ACSS3: variants seen among roughly 807,000 people sequenced by gnomAD.
ACSS3 encodes acyl-CoA synthetase short chain family member 3, also known as acyl-CoA synthetase short-chain family member 3, mitochondrial.
Under a neutral mutation model 84.2 loss-of-function variants are expected in ACSS3, and 64 were observed. The observed-to-expected ratio is 0.76, with a 90% CI of 0.62 to 0.94. The LOEUF is 0.94. Ranked by LOEUF, ACSS3 falls within the 40% of genes least tolerant of loss-of-function variation. The pLI is 0.00. For synonymous variants in ACSS3, 317 were observed against 310.1 expected, an observed-to-expected ratio of 1.02 and a Z score of -0.23; for missense variants, 815 against 867.6, an observed-to-expected ratio of 0.94 and a Z score of 0.76.
chr12:81,081,166 A>T (rs1039991152), intron 1 of ACSS3, among the ~76,000 whole-genome samples: 2 of 152,244 alleles, frequency 1.3e-5, no homozygotes, highest in African/African-American at 4.8e-5. Flanking sequence ...CTCAGCATAT[A>T]AATAGTATTG....
At chr12:81,188,183 A>G (rs10862260) in intron 8 of ACSS3, among the ~76,000 whole-genome samples, 96,979 of 151,686 alleles carry the variant, frequency 0.64, 31,839 homozygotes, top group Non-Finnish European at 0.72. Context: ...TTTAAAGATG[A>G]TATATATCTC....
rs779002371 is a variant in ACSS3, at chr12:81,233,429, A to G, written c.1677A>G (p.Ile559Met). The G allele has an allele frequency of 3.1e-6, 5 of 1,611,246 alleles. No individual in the cohort carries two copies. The highest frequency in any genetic ancestry group is 3.4e-6 in the Non-Finnish European group (4 of 1,178,042). The change falls in exon 13 of 16, where the codon ATA becomes ATG. Residue 559 changes from isoleucine to methionine, a missense_variant. Coordinates refer to ENST00000548058, the MANE Select transcript of ACSS3 (RefSeq NM_024560.4). ...TTATGTCTCGAGTGGATGATGTAAT[A>G]AATGTTGCAGGTCACAGAATTTCTG... Reference protein sequence around the residue: ...LYVMSRVDDVINVAGHRISAG... With the variant: ...LYVMSRVDDVMNVAGHRISAG...
intron 7 of ACSS3, chr12:81,158,467 C>G (rs1372896661): frequency 1.3e-5 from 2 of 153,566 alleles, no homozygotes; most frequent in Admixed American, 6.6e-5. Context: ...TTGCTGTCAC[C>G]ATCATTCCAT....
intron 2 of ACSS3, among the ~76,000 whole-genome samples, chr12:81,118,817 GA>G (rs1379688936): frequency 1.3e-5 from 2 of 152,114 alleles, no homozygotes; most frequent in African/African-American, 2.4e-5. Context: ...CCATAAAGAT[GA>G]ACTAAAACAT....
chr12:81,116,415 C>T (rs1884051769), intron 2 of ACSS3, among the ~76,000 whole-genome samples: 1 of 152,084 alleles, frequency 6.6e-6, no homozygotes, highest in Non-Finnish European at 1.5e-5. Flanking sequence ...AAAAGAGCAA[C>T]AATACAACCA....
chr12:81,130,932 G>A (rs528382248), intron 2 of ACSS3, among the ~76,000 whole-genome samples: 10 of 152,124 alleles, frequency 6.6e-5, no homozygotes, highest in Non-Finnish European at 1.5e-4. Flanking sequence ...AAGATTGGAT[G>A]GTTGTAGATG....
chr12:81,148,788 G>A (rs1282815008), intron 5 of ACSS3, among the ~76,000 whole-genome samples: 4 of 151,152 alleles, frequency 2.6e-5, no homozygotes, highest in East Asian at 1.9e-4. Context: ...GAGGCCAGGC[G>A]CAGTGCATCA....
intron 1 of ACSS3, among the ~76,000 whole-genome samples, chr12:81,108,343 A>G (rs896646616): frequency 4.0e-4 from 60 of 151,502 alleles, no homozygotes; most frequent in Admixed American, 3.4e-3. Flanking sequence ...CAGTGGCGTG[A>G]TCTTGGCTCA....
intron 9 of ACSS3, among the ~76,000 whole-genome samples, chr12:81,205,697 T>C (rs2032316834): frequency 1.3e-5 from 2 of 152,116 alleles, no homozygotes; most frequent in African/African-American, 4.8e-5. Context: ...TCAGACATTT[T>C]TCTTTCATGT....
chr12:81,157,302 A>G (rs1041600868), intron 7 of ACSS3, among the ~76,000 whole-genome samples: 2 of 152,252 alleles, frequency 1.3e-5, no homozygotes, highest in Non-Finnish European at 2.9e-5. Flanking sequence ...TAAATTCAAC[A>G]TTCATTCATA....
At chr12:81,215,626 T>C (rs1343226314) in intron 9 of ACSS3, among the ~76,000 whole-genome samples, 1 of 152,110 alleles carries the variant, frequency 6.6e-6, no homozygotes, top group African/African-American at 2.4e-5. Context: ...ATATGATGGG[T>C]TTGGCAGTTA....
At chr12:81,122,848 A>G (rs963141031) in intron 2 of ACSS3, among the ~76,000 whole-genome samples, 1 of 152,162 alleles carries the variant, frequency 6.6e-6, no homozygotes, top group Non-Finnish European at 1.5e-5. Context: ...CACTTGGGAT[A>G]TTTTCTTTAC....
rs1195703772 is a variant in ACSS3, at chr12:81,241,104, C to T, written c.1719+7633C>T. Among the ~76,000 whole-genome samples the T allele has an allele frequency of 7.3e-5, 11 of 150,328 alleles. 2 individuals carry two copies. The South Asian group carries it at 1.3e-3, about 17-fold the overall frequency. On this transcript the variant is annotated intron_variant, in intron 13 of 15. Coordinates refer to ENST00000548058, the MANE Select transcript of ACSS3 (RefSeq NM_024560.4). ...TGTGGTGTTTGGTTTTTTGTTCTTGCGATAGTTTACTGAGAATGATGATTT... is the reference window on the plus strand; with the variant it reads ...TGTGGTGTTTGGTTTTTTGTTCTTGTGATAGTTTACTGAGAATGATGATTT...
Position 81,100,764 on chromosome 12 carries a change from GTA to G in ACSS3, c.312-8795_312-8794del, listed in dbSNP as rs1345200700. On this transcript the variant is annotated intron_variant, in intron 1 of 15. Coordinates refer to ENST00000548058, the MANE Select transcript of ACSS3 (RefSeq NM_024560.4). ...CCTCACTCAGAGATATAGGCTGACA[GTA>G]CAGTCAACATTTGGGATGTCACAGG... Among the ~76,000 whole-genome samples, 118 of 152,316 alleles carry G rather than the reference GTA, an allele frequency of 7.7e-4. 1 individual carries two copies. Among genetic ancestry groups the G allele is most frequent in the African/African-American group, 2.6e-3 (110 of 41,576 alleles).
At position 81,259,349 on chromosome 12, in the gene ACSS3, C is replaced by T. The variant is rs937482297; in HGVS notation, c.*4427C>T. On this transcript the variant is annotated 3_prime_UTR_variant, in exon 16 of 16. Coordinates refer to ENST00000548058, the MANE Select transcript of ACSS3 (RefSeq NM_024560.4). ...ACTTACACATTTAAAAAGAAATGCA[C>T]GGTAATACATAAATGCCTAGTATAT... 5.1e-5 allele frequency: 27 copies of T among 529,010 alleles called. No homozygotes were observed. The highest frequency in any genetic ancestry group is 3.7e-4 in the Admixed American group (13 of 34,938). 32.8% of individuals were successfully genotyped at this position (529,010 alleles called of 1,614,324 possible).
chr12:81,106,312 A>T (rs959666731), intron 1 of ACSS3, among the ~76,000 whole-genome samples: 9 of 152,216 alleles, frequency 5.9e-5, no homozygotes, highest in Non-Finnish European at 8.8e-5. Flanking sequence ...TCTAGGTTGC[A>T]TTCTCCTTAT....
At chr12:81,188,557 C>A (rs1464410995) in intron 8 of ACSS3, among the ~76,000 whole-genome samples, 3 of 152,048 alleles carry the variant, frequency 2.0e-5, no homozygotes, top group Non-Finnish European at 4.4e-5. Context: ...CTTATCCTGA[C>A]CTGTATCACT....
At chr12:81,250,526 A>G (rs1319263906) in intron 13 of ACSS3, among the ~76,000 whole-genome samples, 3 of 152,136 alleles carry the variant, frequency 2.0e-5, no homozygotes, top group African/African-American at 7.2e-5. Flanking sequence ...ATCCGCTTCT[A>G]AAAGCACTAA....
Position 81,199,780 on chromosome 12 carries a change from T to C in ACSS3, c.1354+336T>C, listed in dbSNP as rs998533032. 35 of 923,086 alleles carry C rather than the reference T, an allele frequency of 3.8e-5. No homozygotes were observed. The African/African-American group carries it at 5.0e-4, about 13-fold the overall frequency. 57.2% of individuals were successfully genotyped at this position (923,086 alleles called of 1,614,324 possible). A position where few individuals can be genotyped will look rare whatever the true frequency, so the allele number is the denominator to read the frequency against. On this transcript the variant is annotated intron_variant, in intron 9 of 15. Coordinates refer to ENST00000548058, the MANE Select transcript of ACSS3 (RefSeq NM_024560.4). Reference sequence around the variant, plus strand: ...GTTCATTCCACCTTCAGTATTCCCCTTGCCTTTGAGCTCTGGCAGCTGCAT... The same window carrying C: ...GTTCATTCCACCTTCAGTATTCCCCCTGCCTTTGAGCTCTGGCAGCTGCAT...
Sources: gnomAD v4.1 joint callset for allele counts (sites outside exome capture counted in the v4.1 genomes callset) on GRCh38, gnomAD v4.1.1 for gene constraint, MANE v1.5 for transcripts, NCBI Gene and HGNC (gene_info 2026-07-23, HGNC 2026-07-21) for gene names.